The following RARB variants were observed in gnomAD, a reference collection of about 807,000 sequenced individuals.
RARB encodes retinoic acid receptor beta.
RARB carries 17 observed loss-of-function variants against 51.9 expected under a neutral mutation model. That is an observed-to-expected ratio of 0.33 (90% CI 0.22 to 0.49). The LOEUF (loss-of-function observed/expected upper bound fraction) is 0.49, where lower values mean the gene tolerates loss of function less well. Ranked by LOEUF, RARB falls within the 20% of genes least tolerant of loss-of-function variation. The pLI is 0.99. For missense variants in RARB, 369 were observed against 550.8 expected (o/e 0.67, Z 3.30); for synonymous variants, 215 against 195.4 (o/e 1.10, Z -0.84).
chr3:25,052,707 G>A (rs1262202977), intron 2 of RARB, among the ~76,000 whole-genome samples: 1 of 152,146 alleles, frequency 6.6e-6, no homozygotes, highest in Non-Finnish European at 1.5e-5. Flanking sequence ...AAATAGTAAA[G>A]TAGATTGCAA....
At chr3:25,364,620 G>A (rs1359681684) in intron 5 of RARB, among the ~76,000 whole-genome samples, 3 of 152,230 alleles carry the variant, frequency 2.0e-5, no homozygotes, top group Non-Finnish European at 4.4e-5. Flanking sequence ...GTGTGATGAA[G>A]TAAGAGAGCA....
At chr3:25,109,770 C>T (rs991363141) in intron 3 of RARB, among the ~76,000 whole-genome samples, 2 of 152,158 alleles carry the variant, frequency 1.3e-5, no homozygotes, top group South Asian at 2.1e-4. Flanking sequence ...ATTCAGGCAG[C>T]AGCAGTTTGT....
intron 3 of RARB, among the ~76,000 whole-genome samples, chr3:25,062,015 ATAG>A (rs1698560406): frequency 6.6e-6 from 1 of 151,808 alleles, no homozygotes; most frequent in South Asian, 2.1e-4. Context: ...TAAGAAAATA[ATAG>A]TAGAATCAAG....
At chr3:25,162,272 T>C (rs1287463160) in intron 4 of RARB, among the ~76,000 whole-genome samples, 3 of 152,044 alleles carry the variant, frequency 2.0e-5, no homozygotes, top group African/African-American at 7.2e-5. Context: ...CCTGGCTAAA[T>C]TTTTTATTTT....
intron 5 of RARB, among the ~76,000 whole-genome samples, chr3:25,342,593 T>C (rs1705262311): frequency 6.6e-6 from 1 of 152,210 alleles, no homozygotes; most frequent in Non-Finnish European, 1.5e-5. Flanking sequence ...TTATTCCTGG[T>C]TGGACCCAAT....
Position 25,597,434 on chromosome 3 carries a change from G to GAAA in RARB, c.*818_*819insAAA, listed in dbSNP as rs2125332475. The GAAA allele has an allele frequency of 6.6e-6, 1 of 152,240 alleles. No individual in the cohort carries two copies. The highest frequency in any genetic ancestry group is 1.9e-4 in the East Asian group (1 of 5,186). The allele number at this position is 152,240 out of a possible 1,614,324, so 9.4% of individuals were successfully genotyped here. A position where few individuals can be genotyped will look rare whatever the true frequency, so the allele number is the denominator to read the frequency against. ...GTTAGTTAAAAAAAATTTTTTTACA[G>GAAA]TAATGATAGCCTCCAAGGCAGAAAC... On this transcript the variant is annotated 3_prime_UTR_variant, in exon 8 of 8. Coordinates refer to ENST00000330688, the MANE Select transcript of RARB (RefSeq NM_000965.5).
At chr3:25,326,088 C>T (rs2125442245) in intron 5 of RARB, among the ~76,000 whole-genome samples, 1 of 152,144 alleles carries the variant, frequency 6.6e-6, no homozygotes, top group Non-Finnish European at 1.5e-5. Context: ...GTGTGTTCTT[C>T]CCTGCTTATC....
intron 5 of RARB, among the ~76,000 whole-genome samples, chr3:25,351,960 G>A (rs973199020): frequency 6.6e-6 from 1 of 152,194 alleles, no homozygotes; most frequent in South Asian, 2.1e-4. Flanking sequence ...CCTAGGCCTA[G>A]AGATGCTAGA....
At chr3:25,238,980 A>G (rs1702368099) in intron 5 of RARB, among the ~76,000 whole-genome samples, 1 of 152,196 alleles carries the variant, frequency 6.6e-6, no homozygotes, top group African/African-American at 2.4e-5. Flanking sequence ...CTGTGTCTCA[A>G]AAAGTAACAA....
At chr3:25,158,793 G>A (rs558861789) in intron 4 of RARB, among the ~76,000 whole-genome samples, 1 of 152,314 alleles carries the variant, frequency 6.6e-6, no homozygotes, top group South Asian at 2.1e-4. Context: ...GGAAGGCTGT[G>A]CTCCATACAA....
chr3:25,235,275 G>C (rs1702276472), intron 5 of RARB, among the ~76,000 whole-genome samples: 1 of 152,082 alleles, frequency 6.6e-6, no homozygotes, highest in African/African-American at 2.4e-5. Context: ...AGAGGGAGTG[G>C]TTTCTAGTGG....
chr3:25,597,131 G>A lies in RARB; in HGVS notation c.*515G>A, dbSNP rs754210363. Reference sequence around the variant, plus strand: ...GTCAAGACATCAAGGTAAGGAAACAGGACTATTGACAGGACTATTGTACAG... The same window carrying A: ...GTCAAGACATCAAGGTAAGGAAACAAGACTATTGACAGGACTATTGTACAG... On this transcript the variant is annotated 3_prime_UTR_variant, in exon 8 of 8. Transcript: ENST00000330688. The A allele has an allele frequency of 6.5e-6, 1 of 152,950 alleles. No homozygotes were observed. Among genetic ancestry groups the A allele is most frequent in the Non-Finnish European group, 1.5e-5 (1 of 68,270 alleles). 9.5% of individuals were successfully genotyped at this position (152,950 alleles called of 1,614,324 possible).
chr3:25,231,902 C>A (rs1255866399), intron 5 of RARB, among the ~76,000 whole-genome samples: 1 of 151,976 alleles, frequency 6.6e-6, no homozygotes, highest in Non-Finnish European at 1.5e-5. Flanking sequence ...AGCAAAAGCT[C>A]CTAATTTTGA....
At chr3:24,913,601 A>G (rs1695047383) in intron 2 of RARB, among the ~76,000 whole-genome samples, 1 of 152,154 alleles carries the variant, frequency 6.6e-6, no homozygotes, top group Admixed American at 6.5e-5. Flanking sequence ...ACTTGTATCT[A>G]TCTCAATTAG....
chr3:24,963,225 C>T (rs1052099440), intron 2 of RARB, among the ~76,000 whole-genome samples: 1 of 151,856 alleles, frequency 6.6e-6, no homozygotes, highest in African/African-American at 2.4e-5. Flanking sequence ...GTCCTTGGCC[C>T]CTTGGCTGTT....
At chr3:25,586,712 G>A (rs954344373) in intron 5 of RARB, among the ~76,000 whole-genome samples, 2 of 152,186 alleles carry the variant, frequency 1.3e-5, no homozygotes, top group African/African-American at 4.8e-5. Flanking sequence ...ACGCCCTGGA[G>A]ACTGTGCAGC....
intron 5 of RARB, among the ~76,000 whole-genome samples, chr3:25,384,649 A>G (rs1706741356): frequency 6.6e-6 from 1 of 152,166 alleles, no homozygotes; most frequent in Non-Finnish European, 1.5e-5. Flanking sequence ...TCCTCACCTG[A>G]GAACATTCTT....
intron 2 of RARB, among the ~76,000 whole-genome samples, chr3:25,466,983 G>A (rs573410310): frequency 6.6e-6 from 1 of 152,304 alleles, no homozygotes; most frequent in South Asian, 2.1e-4. Flanking sequence ...GGTTTTGCTG[G>A]GCTATGGGCC....
intron 3 of RARB, among the ~76,000 whole-genome samples, chr3:25,066,758 AAAAAT>A (rs1389794285): frequency 6.6e-6 from 1 of 152,104 alleles, no homozygotes; most frequent in African/African-American, 2.4e-5. Context: ...AAAAAAACAG[AAAAAT>A]AAAATAAAAA....
Sources: allele counts gnomAD v4.1 joint callset (sites outside exome capture counted in the v4.1 genomes callset), GRCh38; gene constraint gnomAD v4.1.1; transcripts MANE v1.5; gene names NCBI Gene and HGNC (gene_info 2026-07-23, HGNC 2026-07-21).